The following SEC23A variants were observed in gnomAD, a reference collection of about 807,000 sequenced individuals.
SEC23A encodes the protein SEC23 homolog A, COPII component, also known as protein transport protein Sec23A.
In SEC23A, 56 loss-of-function variants were observed where a neutral mutation model predicts 103.7. The observed-to-expected ratio is 0.54, with a 90% CI of 0.44 to 0.67. The LOEUF (loss-of-function observed/expected upper bound fraction) is 0.67, where lower values mean the gene tolerates loss of function less well. SEC23A is among the 30% of genes least tolerant of loss of function. The pLI, the probability that SEC23A is intolerant of heterozygous loss-of-function variation, is 0.00. For synonymous variants in SEC23A, 281 were observed against 293.0 expected, an observed-to-expected ratio of 0.96 and a Z score of 0.42; for missense variants, 784 against 936.4, an observed-to-expected ratio of 0.84 and a Z score of 2.12.
chr14:39,064,438 T>A (rs1254536544), intron 11 of SEC23A: 1 of 154,376 alleles, frequency 6.5e-6, no homozygotes, highest in Non-Finnish European at 1.4e-5. Flanking sequence ...TAGAGCTAAT[T>A]TTGACTTTCA....
intron 7 of SEC23A, among the ~76,000 whole-genome samples, chr14:39,081,565 A>C (rs1465694219): frequency 1.3e-5 from 2 of 152,200 alleles, no homozygotes; most frequent in East Asian, 3.8e-4. Flanking sequence ...GCTTCTTTCT[A>C]ACAGAGGTAT....
intron 2 of SEC23A, chr14:39,094,871 T>C (rs1887832557): frequency 3.2e-6 from 2 of 619,780 alleles, no homozygotes; most frequent in Admixed American, 6.0e-5. Flanking sequence ...GGCAGAAATA[T>C]ATACAGAGGC....
intron 7 of SEC23A, among the ~76,000 whole-genome samples, chr14:39,082,864 G>C (rs1887274890): frequency 6.6e-6 from 1 of 152,134 alleles, no homozygotes; most frequent in Non-Finnish European, 1.5e-5. Flanking sequence ...CAAATAACTG[G>C]TCTGAATCTT....
rs55763808 is a variant in SEC23A at position 39,094,442 on chromosome 14, ATTTT to A, written c.222-1202_222-1199del. ...TATATATATATATATATATATATAT[ATTTT>A]TTTTTTTTTTTTTTCCCCTCCTGTA... is the stretch of plus-strand genomic sequence containing the variant. On this transcript the variant is annotated intron_variant, in intron 2 of 19. Transcript: ENST00000307712. Among the ~76,000 whole-genome samples, 70 of 9,640 alleles carry A rather than the reference ATTTT, an allele frequency of 7.3e-3. 12 individuals are homozygous for A. The highest frequency in any genetic ancestry group is 0.021 in the South Asian group (5 of 236). The allele number at this position is 9,640 out of a possible 152,430, so 6.3% of individuals were successfully genotyped here.
intron 7 of SEC23A, among the ~76,000 whole-genome samples, chr14:39,077,958 T>A (rs1346292687): frequency 6.6e-6 from 1 of 151,882 alleles, no homozygotes; most frequent in East Asian, 1.9e-4. Flanking sequence ...AAATTAAAAA[T>A]AAATAAATAG....
intron 14 of SEC23A, among the ~76,000 whole-genome samples, chr14:39,053,303 T>G (rs1015501748): frequency 6.6e-6 from 1 of 152,212 alleles, no homozygotes; most frequent in Non-Finnish European, 1.5e-5. Context: ...GTTTCAATGA[T>G]GTCATGTCAG....
At chr14:39,086,384 A>C (rs1887445392) in intron 6 of SEC23A, among the ~76,000 whole-genome samples, 1 of 152,156 alleles carries the variant, frequency 6.6e-6, no homozygotes, top group South Asian at 2.1e-4. Flanking sequence ...CACACCTGTA[A>C]TCCCAGCACT....
intron 13 of SEC23A, among the ~76,000 whole-genome samples, chr14:39,055,982 C>A (rs1886233300): frequency 6.6e-6 from 1 of 152,238 alleles, no homozygotes. Flanking sequence ...ATGAGATAAG[C>A]CTGTGCAAGG....
chr14:39,039,495 C>A, intron 18 of SEC23A: 1 of 189,306 alleles, frequency 5.3e-6, no homozygotes, highest in Non-Finnish European at 1.1e-5. Context: ...GACCCTTAAG[C>A]TTTCTTAAAC....
chr14:39,063,913 G>A (rs1432319242), intron 11 of SEC23A, among the ~76,000 whole-genome samples: 1 of 151,970 alleles, frequency 6.6e-6, no homozygotes, highest in Non-Finnish European at 1.5e-5. Flanking sequence ...GGAGAATGGC[G>A]TGAACCTAGG....
At chr14:39,052,342 A>C (rs1886096384) in intron 14 of SEC23A, among the ~76,000 whole-genome samples, 1 of 152,216 alleles carries the variant, frequency 6.6e-6, no homozygotes, top group African/African-American at 2.4e-5. Flanking sequence ...AACAATCTCA[A>C]AATTGAGATG....
chr14:39,061,907 T>C, intron 12 of SEC23A, 36 bp from the exon 13 acceptor site: 1 of 1,305,746 alleles, frequency 7.7e-7, no homozygotes, highest in Non-Finnish European at 1.1e-6. Flanking sequence ...CTAAGCAAAA[T>C]TTACTATGCT....
rs193213966 is a variant in SEC23A at position 39,098,855 on chromosome 14, C to A, written c.-21-2716G>T. ...TGACAAAAAATAAGTCATAAGAAAT[C>A]CAGTGTTATTAAGAAAAAATAAAAA... On this transcript the variant is annotated intron_variant, in intron 1 of 19. Coordinates refer to ENST00000307712, the MANE Select transcript of SEC23A (RefSeq NM_006364.4). 1.1e-4 allele frequency among the ~76,000 whole-genome samples: 16 copies of A among 150,706 alleles called. No individual in the cohort carries two copies. The East Asian group carries it at 2.9e-3, about 27-fold the overall frequency.
chr14:39,051,945 C>T (rs1026171267), intron 14 of SEC23A, among the ~76,000 whole-genome samples: 4 of 145,432 alleles, frequency 2.8e-5, no homozygotes, highest in Admixed American at 7.0e-5. Flanking sequence ...CCAGCCTGGG[C>T]GACAAGGCGA....
intron 9 of SEC23A, among the ~76,000 whole-genome samples, chr14:39,073,603 C>CTTTTT (rs905464578): frequency 1.2e-4 from 10 of 83,912 alleles, no homozygotes; most frequent in East Asian, 3.6e-4. Flanking sequence ...TCTGATTCCT[C>CTTTTT]TTTTTTTTTT....
intron 15 of SEC23A, among the ~76,000 whole-genome samples, chr14:39,045,654 G>A (rs1261941533): frequency 6.6e-6 from 1 of 152,034 alleles, no homozygotes; most frequent in Non-Finnish European, 1.5e-5. Flanking sequence ...GACCAGTCTA[G>A]GCAACATAAC....
chr14:39,040,508 G>A (rs1594434259), intron 18 of SEC23A: 12 of 584,490 alleles, frequency 2.1e-5, no homozygotes, highest in Middle Eastern at 4.6e-4. Flanking sequence ...CTAGGCTAGA[G>A]ACAGAAGATG....
chr14:39,090,024 G>A (rs139599534), intron 5 of SEC23A, among the ~76,000 whole-genome samples: 307 of 152,170 alleles, frequency 2.0e-3, no homozygotes, highest in Non-Finnish European at 3.2e-3. Context: ...ATTGACTAAC[G>A]CATTCATTAC....
intron 19 of SEC23A, among the ~76,000 whole-genome samples, chr14:39,038,535 G>A (rs1366171897): frequency 6.6e-6 from 1 of 151,980 alleles, no homozygotes; most frequent in Non-Finnish European, 1.5e-5. Flanking sequence ...TTAAGAGATG[G>A]AGTCTTGCTA....
Sources: allele counts gnomAD v4.1 joint callset (sites outside exome capture counted in the v4.1 genomes callset), GRCh38; gene constraint gnomAD v4.1.1; transcripts MANE v1.5; gene names NCBI Gene and HGNC (gene_info 2026-07-23, HGNC 2026-07-21).